The following BABAM2 variants were observed in gnomAD, a reference collection of about 807,000 sequenced individuals.
BABAM2 encodes the protein BRISC and BRCA1 A complex member 2, also known as BRISC and BRCA1-A complex member 2.
BABAM2 carries 31 observed loss-of-function variants against 54.7 expected under a neutral mutation model. The ratio of observed to expected loss-of-function variants is 0.57; its 90% CI spans 0.43 to 0.77. BABAM2 has a LOEUF of 0.77. Ranked by LOEUF, BABAM2 falls within the 30% of genes least tolerant of loss-of-function variation. BABAM2 has a pLI of 0.00. For synonymous variants in BABAM2, 167 were observed against 162.9 expected, an observed-to-expected ratio of 1.03 and a Z score of -0.19; for missense variants, 364 against 455.8, an observed-to-expected ratio of 0.80 and a Z score of 1.83.
At chr2:28,273,079 C>T (rs538343464) in intron 10 of BABAM2, among the ~76,000 whole-genome samples, 1 of 152,172 alleles carries the variant, frequency 6.6e-6, no homozygotes, top group Non-Finnish European at 1.5e-5. Flanking sequence ...GCTGATACGA[C>T]GTCCCTGTTT....
At chr2:28,274,004 C>T (rs560736823) in intron 10 of BABAM2, among the ~76,000 whole-genome samples, 1 of 152,352 alleles carries the variant, frequency 6.6e-6, no homozygotes, top group Admixed American at 6.5e-5. Context: ...GTGTTTGCCA[C>T]TCCCGTGCCT....
intron 6 of BABAM2, among the ~76,000 whole-genome samples, chr2:28,073,055 G>A (rs1664314571): frequency 6.6e-6 from 1 of 152,134 alleles, no homozygotes; most frequent in Admixed American, 6.5e-5. Context: ...GCTAGATTGA[G>A]TTCTCTGGTA....
chr2:28,240,870 CAA>C (rs56247120), intron 8 of BABAM2, among the ~76,000 whole-genome samples: 1,104 of 109,156 alleles, frequency 0.01, 6 homozygotes, highest in African/African-American at 0.016. Context: ...GACTCTGTCT[CAA>C]AAAAAAAAAA....
At chr2:28,313,306 C>T (rs1184457253) in intron 11 of BABAM2, among the ~76,000 whole-genome samples, 2 of 152,234 alleles carry the variant, frequency 1.3e-5, no homozygotes, top group Non-Finnish European at 2.9e-5. Context: ...TAATGGAATG[C>T]GCCAAAGGAA....
At chr2:28,202,137 A>G (rs552074291) in intron 7 of BABAM2, among the ~76,000 whole-genome samples, 1 of 152,346 alleles carries the variant, frequency 6.6e-6, no homozygotes, top group Admixed American at 6.5e-5. Context: ...GTGAGACCAG[A>G]TGGAAAACCA....
At chr2:28,094,140 T>C (rs896739971) in intron 6 of BABAM2, among the ~76,000 whole-genome samples, 2 of 152,198 alleles carry the variant, frequency 1.3e-5, no homozygotes, top group Admixed American at 6.5e-5. Flanking sequence ...CAAAGTTTTC[T>C]ATTAAAAATT....
chr2:28,300,477 G>A (rs993821048), intron 11 of BABAM2, among the ~76,000 whole-genome samples: 1 of 152,190 alleles, frequency 6.6e-6, no homozygotes, highest in Non-Finnish European at 1.5e-5. Context: ...TGGAAAAAAG[G>A]AATTATGAAG....
At chr2:28,045,675 C>G in intron 5 of BABAM2, 50 bp from the exon 6 acceptor site, 1 of 1,499,328 alleles carries the variant, frequency 6.7e-7, no homozygotes, top group Non-Finnish European at 9.1e-7. Context: ...ATTGTCACTT[C>G]ATAATCTATT....
chr2:28,180,620 T>C (rs1178603189), intron 7 of BABAM2, among the ~76,000 whole-genome samples: 1 of 152,096 alleles, frequency 6.6e-6, no homozygotes, highest in African/African-American at 2.4e-5. Flanking sequence ...CACATGGGAC[T>C]ATATTAAATA....
chr2:27,942,293 T>C (rs1041042571), intron 3 of BABAM2, among the ~76,000 whole-genome samples: 1 of 152,208 alleles, frequency 6.6e-6, no homozygotes, highest in African/African-American at 2.4e-5. Context: ...TGAGACTTTA[T>C]TGATTTATCT....
At chr2:28,116,823 T>C (rs1668655226) in intron 6 of BABAM2, among the ~76,000 whole-genome samples, 1 of 152,232 alleles carries the variant, frequency 6.6e-6, no homozygotes, top group Non-Finnish European at 1.5e-5. Flanking sequence ...ACCTTTTTGC[T>C]TCTCCAAATA....
intron 10 of BABAM2, among the ~76,000 whole-genome samples, chr2:28,283,537 G>A (rs1686555638): frequency 6.6e-6 from 1 of 152,190 alleles, no homozygotes; most frequent in Admixed American, 6.5e-5. Flanking sequence ...GGAACATTCT[G>A]TGTTTTGTTT....
intron 6 of BABAM2, among the ~76,000 whole-genome samples, chr2:28,095,647 T>C (rs1666549741): frequency 6.6e-6 from 1 of 152,186 alleles, no homozygotes; most frequent in Non-Finnish European, 1.5e-5. Flanking sequence ...GAGCTGTTCA[T>C]GTGAAAAAGA....
intron 7 of BABAM2, among the ~76,000 whole-genome samples, chr2:28,176,018 A>G (rs1032360547): frequency 6.6e-6 from 1 of 152,230 alleles, no homozygotes; most frequent in African/African-American, 2.4e-5. Context: ...GCATGCACCC[A>G]GAATCAAAGT....
intron 3 of BABAM2, among the ~76,000 whole-genome samples, chr2:27,933,213 A>G (rs1668227006): frequency 2.0e-5 from 3 of 152,212 alleles, no homozygotes; most frequent in African/African-American, 7.2e-5. Flanking sequence ...CACTCATCAT[A>G]TAACATAATT....
chr2:28,321,886 T>C (rs1044926691), intron 11 of BABAM2, among the ~76,000 whole-genome samples: 15 of 151,948 alleles, frequency 9.9e-5, no homozygotes, highest in Non-Finnish European at 1.5e-4. Context: ...CAGCTCAGCA[T>C]TGATACATCT....
intron 7 of BABAM2, among the ~76,000 whole-genome samples, chr2:28,154,761 G>C (rs566743023): frequency 6.6e-6 from 1 of 152,250 alleles, no homozygotes; most frequent in African/African-American, 2.4e-5. Context: ...CAAGATACTT[G>C]AGAATAGAAA....
intron 11 of BABAM2, among the ~76,000 whole-genome samples, chr2:28,335,785 C>T (rs1292422589): frequency 6.6e-6 from 1 of 152,078 alleles, no homozygotes; most frequent in Non-Finnish European, 1.5e-5. Context: ...TGGCAAATGG[C>T]ATGTGTGAGG....
At chr2:28,250,318 C>CTTTTT (rs35545683) in intron 10 of BABAM2, among the ~76,000 whole-genome samples, 1 of 118,804 alleles carries the variant, frequency 8.4e-6, no homozygotes, top group Non-Finnish European at 1.7e-5. Flanking sequence ...ATTTGTTGAA[C>CTTTTT]TTTTTTTTTT....
Sources: gnomAD v4.1 joint callset for allele counts (sites outside exome capture counted in the v4.1 genomes callset) on GRCh38, gnomAD v4.1.1 for gene constraint, MANE v1.5 for transcripts, NCBI Gene and HGNC (gene_info 2026-07-23, HGNC 2026-07-21) for gene names.